Variants in TMEM232 observed in about 807,000 individuals in gnomAD.
TMEM232 encodes the protein transmembrane protein 232.
A neutral mutation model predicts 78.8 loss-of-function variants in TMEM232; 80 were observed. That is an observed-to-expected ratio of 1.01 (90% CI 0.85 to 1.22). The LOEUF is 1.22. Among genes scored for constraint, TMEM232 ranks in the 50% most tolerant of loss-of-function variants. The probability of loss-of-function intolerance (pLI) is 0.00; values close to 1 mark genes in which losing one functional copy is unlikely to be tolerated. For synonymous variants in TMEM232, 297 were observed against 254.3 expected (o/e 1.17, Z -1.60); for missense variants, 881 against 742.2 (o/e 1.19, Z -2.17).
At chr5:110,489,107 T>A (rs1301056357) in intron 12 of TMEM232, among the ~76,000 whole-genome samples, 1 of 151,988 alleles carries the variant, frequency 6.6e-6, no homozygotes, top group African/African-American at 2.4e-5. Flanking sequence ...AATGGCTTTA[T>A]GAGTAAATTC....
chr5:110,412,057 G>C (rs1756017986), intron 2 of TMEM232, among the ~76,000 whole-genome samples: 1 of 152,098 alleles, frequency 6.6e-6, no homozygotes, highest in African/African-American at 2.4e-5. Context: ...TTTGATCTCA[G>C]AGCTCTTCAG....
At chr5:110,678,404 A>C in intron 1 of TMEM232, among the ~76,000 whole-genome samples, 1 of 152,068 alleles carries the variant, frequency 6.6e-6, no homozygotes. Flanking sequence ...GCAAAATTGG[A>C]GAGGAAAGCA....
rs148357242 is a variant in TMEM232, at chr5:110,424,048, T to C, written c.1797+775A>G. Among the ~76,000 whole-genome samples the C allele has an allele frequency of 1.8e-4, 28 of 152,302 alleles. No individual in the cohort carries two copies. In the East Asian group the frequency reaches 2.3e-3, roughly 13 times the overall value. On this transcript the variant is annotated intron_variant, in intron 13 of 13. Transcript: ENST00000455884. ...GTCAGTCTCCAAAGCCCAATACTTA[T>C]AGCTGTTGCTAGAGTGGCTTAATTA...
chr5:110,718,142 TA>T (rs1470553503), intron 1 of TMEM232, among the ~76,000 whole-genome samples: 4 of 152,184 alleles, frequency 2.6e-5, no homozygotes, highest in Non-Finnish European at 5.9e-5. Context: ...AGTATAAATC[TA>T]CATATATTTG....
chr5:110,611,634 T>A (rs1450939244), intron 8 of TMEM232, among the ~76,000 whole-genome samples: 1 of 152,132 alleles, frequency 6.6e-6, no homozygotes, highest in African/African-American at 2.4e-5. Context: ...TAATGGCAAT[T>A]TATGAGACAC....
At chr5:110,595,260 T>C (rs1343399346) in intron 10 of TMEM232, among the ~76,000 whole-genome samples, 2 of 151,996 alleles carry the variant, frequency 1.3e-5, no homozygotes, top group East Asian at 3.9e-4. Context: ...TCAAAAACAC[T>C]ATCCAAAAGG....
intron 1 of TMEM232, among the ~76,000 whole-genome samples, chr5:110,690,902 C>A (rs1478068838): frequency 6.6e-6 from 1 of 151,894 alleles, no homozygotes; most frequent in African/African-American, 2.4e-5. Context: ...CATGTTCTCA[C>A]TCATAAGTGG....
intron 1 of TMEM232, among the ~76,000 whole-genome samples, chr5:110,683,507 T>C (rs1793015582): frequency 6.6e-6 from 1 of 151,896 alleles, no homozygotes; most frequent in South Asian, 2.1e-4. Flanking sequence ...ATCAAAAGAA[T>C]AACCAGCACG....
intron 12 of TMEM232, among the ~76,000 whole-genome samples, chr5:110,425,262 C>A (rs1757110423): frequency 6.6e-6 from 1 of 152,004 alleles, no homozygotes. Flanking sequence ...TTTCCAAAGT[C>A]TTTGTATTAC....
intron 12 of TMEM232, among the ~76,000 whole-genome samples, chr5:110,495,119 T>C (rs1765506459): frequency 6.6e-6 from 1 of 150,914 alleles, no homozygotes. Flanking sequence ...CATATTTTTA[T>C]ATATTAAATA....
intron 12 of TMEM232, among the ~76,000 whole-genome samples, chr5:110,468,034 G>A (rs1762274071): frequency 6.6e-6 from 1 of 151,942 alleles, no homozygotes; most frequent in Non-Finnish European, 1.5e-5. Context: ...GGGAATAGGG[G>A]CCCATTCCAA....
At chr5:110,720,678 T>A (rs1307506531) in intron 1 of TMEM232, 1 of 152,172 alleles carries the variant, frequency 6.6e-6, no homozygotes, top group Non-Finnish European at 1.5e-5. Flanking sequence ...ACATTTGGCC[T>A]AACTTCTCAT....
chr5:110,722,852 CA>C (rs1316626770), intron 1 of TMEM232, among the ~76,000 whole-genome samples: 1 of 152,108 alleles, frequency 6.6e-6, no homozygotes, highest in African/African-American at 2.4e-5. Context: ...TGAACAAATC[CA>C]GGAGCAGAAG....
intron 1 of TMEM232, among the ~76,000 whole-genome samples, chr5:110,670,230 AC>A (rs1342670536): frequency 6.6e-6 from 1 of 152,186 alleles, no homozygotes; most frequent in African/African-American, 2.4e-5. Context: ...TATTTAGAAA[AC>A]CCCATTGTCT....
intron 3 of TMEM232, among the ~76,000 whole-genome samples, chr5:110,392,943 T>C (rs559133622): frequency 3.3e-4 from 51 of 152,336 alleles, no homozygotes; most frequent in African/African-American, 1.1e-3. Flanking sequence ...ACCTAATATT[T>C]AAAAGTGAGT....
intron 11 of TMEM232, among the ~76,000 whole-genome samples, chr5:110,546,757 T>G (rs74862393): frequency 0.02 from 3,077 of 152,256 alleles, 80 homozygotes; most frequent in African/African-American, 0.058. Flanking sequence ...GACTAATTTT[T>G]TAAATCCTTG....
chr5:110,716,755 T>G (rs569629158), intron 1 of TMEM232, among the ~76,000 whole-genome samples: 1 of 152,248 alleles, frequency 6.6e-6, no homozygotes, highest in African/African-American at 2.4e-5. Context: ...TTGTCACTCT[T>G]TTTGCCAACT....
At chr5:110,695,545 T>C (rs1794666793) in intron 1 of TMEM232, among the ~76,000 whole-genome samples, 2 of 152,152 alleles carry the variant, frequency 1.3e-5, no homozygotes, top group South Asian at 4.1e-4. Flanking sequence ...ACAAAATTGA[T>C]AGACTGCTAG....
upstream of TMEM232, among the ~76,000 whole-genome samples, chr5:110,727,045 T>C (rs3851451): frequency 2.0e-5 from 3 of 152,232 alleles, no homozygotes; most frequent in African/African-American, 4.8e-5. Flanking sequence ...TCCTTTTACA[T>C]AGAAAATTTG....
Sources: allele counts gnomAD v4.1 joint callset (sites outside exome capture counted in the v4.1 genomes callset), GRCh38; gene constraint gnomAD v4.1.1; transcripts MANE v1.5; gene names NCBI Gene and HGNC (gene_info 2026-07-23, HGNC 2026-07-21).